The following ZMIZ1 variants were observed in gnomAD, a reference collection of about 807,000 sequenced individuals.
The protein encoded by ZMIZ1 is zinc finger MIZ-type containing 1.
A neutral mutation model predicts 113.9 loss-of-function variants in ZMIZ1; 17 were observed. The observed-to-expected ratio is 0.15, with a 90% CI of 0.10 to 0.22. The LOEUF (loss-of-function observed/expected upper bound fraction) is 0.22, where lower values mean the gene tolerates loss of function less well. Ranked by LOEUF, ZMIZ1 falls within the 10% of genes least tolerant of loss-of-function variation. The probability of loss-of-function intolerance (pLI) is 1.00; values close to 1 mark genes in which losing one functional copy is unlikely to be tolerated. For missense variants in ZMIZ1, 1,059 were observed against 1,477.8 expected, an observed-to-expected ratio of 0.72 and a Z score of 4.65; for synonymous variants, 607 against 603.1, an observed-to-expected ratio of 1.01 and a Z score of -0.09.
At chr10:79,096,388 T>C (rs1011653927) in intron 1 of ZMIZ1, among the ~76,000 whole-genome samples, 2 of 152,100 alleles carry the variant, frequency 1.3e-5, no homozygotes, top group Non-Finnish European at 2.9e-5. Context: ...GGTGGGCACC[T>C]GTGGTCCCAG....
At chr10:79,253,193 A>G (rs1215051936) in intron 7 of ZMIZ1, among the ~76,000 whole-genome samples, 5 of 152,196 alleles carry the variant, frequency 3.3e-5, no homozygotes, top group Non-Finnish European at 7.3e-5. Flanking sequence ...AACATTTGCA[A>G]ATGTTGCCTG....
chr10:79,193,853 T>C (rs576981899), intron 4 of ZMIZ1, among the ~76,000 whole-genome samples: 25 of 152,252 alleles, frequency 1.6e-4, no homozygotes, highest in African/African-American at 4.8e-4. Context: ...CAGCCCCACG[T>C]TGGGGACAAG....
At chr10:79,109,654 T>C (rs1470080196) in intron 1 of ZMIZ1, among the ~76,000 whole-genome samples, 8 of 152,196 alleles carry the variant, frequency 5.3e-5, no homozygotes, top group Non-Finnish European at 8.8e-5. Flanking sequence ...CCATATTCTG[T>C]GCCAGACCTT....
At chr10:79,189,814 C>T (rs1265978959) in intron 4 of ZMIZ1, among the ~76,000 whole-genome samples, 2 of 152,210 alleles carry the variant, frequency 1.3e-5, no homozygotes, top group East Asian at 1.9e-4. Flanking sequence ...AGCCAGGAAG[C>T]GTGTTTTCGG....
chr10:79,194,731 G>A (rs1847760636), intron 4 of ZMIZ1, among the ~76,000 whole-genome samples: 1 of 152,206 alleles, frequency 6.6e-6, no homozygotes, highest in African/African-American at 2.4e-5. Context: ...AGGGCATGAG[G>A]CAGGTGTTCC....
chr10:79,159,626 C>T (rs1417778313), intron 3 of ZMIZ1, among the ~76,000 whole-genome samples: 1 of 152,196 alleles, frequency 6.6e-6, no homozygotes, highest in Non-Finnish European at 1.5e-5. Context: ...TGTCAGTGTC[C>T]ACCTCACAGC....
At chr10:79,152,330 C>G (rs1845745215) in intron 3 of ZMIZ1, among the ~76,000 whole-genome samples, 1 of 152,142 alleles carries the variant, frequency 6.6e-6, no homozygotes, top group Non-Finnish European at 1.5e-5. Flanking sequence ...AAAACCCTGT[C>G]TCTACAAAAA....
chr10:79,153,119 G>A (rs989258625), intron 3 of ZMIZ1, among the ~76,000 whole-genome samples: 4 of 152,138 alleles, frequency 2.6e-5, no homozygotes, highest in African/African-American at 9.6e-5. Context: ...AGAAGAAGGG[G>A]CATCCTAGGA....
At chr10:79,114,371 GGAT>G (rs1233341241) in intron 1 of ZMIZ1, among the ~76,000 whole-genome samples, 1 of 152,222 alleles carries the variant, frequency 6.6e-6, no homozygotes, top group Non-Finnish European at 1.5e-5. Context: ...TGTGCTCTGA[GGAT>G]GGAGGTTGAG....
intron 1 of ZMIZ1, among the ~76,000 whole-genome samples, chr10:79,082,765 C>G (rs1842697629): frequency 6.6e-6 from 1 of 152,222 alleles, no homozygotes; most frequent in Non-Finnish European, 1.5e-5. Context: ...TCCCTCAGGG[C>G]TCCTCTAGAC....
intron 1 of ZMIZ1, among the ~76,000 whole-genome samples, chr10:79,110,618 C>G (rs1843703766): frequency 6.6e-6 from 1 of 152,244 alleles, no homozygotes; most frequent in African/African-American, 2.4e-5. Flanking sequence ...GCTGTGCCCT[C>G]TGCAGCCACC....
chr10:79,176,609 C>T (rs181475495), intron 4 of ZMIZ1, among the ~76,000 whole-genome samples: 5 of 150,402 alleles, frequency 3.3e-5, no homozygotes, highest in South Asian at 2.1e-4. Context: ...CTCAGTTTAC[C>T]GAGAATTTCC....
chr10:79,278,589 TC>T (rs1852460129), intron 8 of ZMIZ1, among the ~76,000 whole-genome samples: 1 of 151,414 alleles, frequency 6.6e-6, no homozygotes, highest in South Asian at 2.1e-4. Context: ...CCTGCCGCCC[TC>T]CGCAGTGTTT....
chr10:79,175,924 T>A (rs1200399500), intron 4 of ZMIZ1, among the ~76,000 whole-genome samples: 2 of 152,018 alleles, frequency 1.3e-5, no homozygotes, highest in Non-Finnish European at 2.9e-5. Context: ...AGGAATGTCC[T>A]GGATGGGAAA....
intron 1 of ZMIZ1, among the ~76,000 whole-genome samples, chr10:79,076,194 G>C (rs979591110): frequency 2.0e-5 from 3 of 152,198 alleles, no homozygotes; most frequent in African/African-American, 7.2e-5. Flanking sequence ...TCCAAGGTCA[G>C]CAGCGAATGG....
chr10:79,306,181 C>G lies in ZMIZ1; in HGVS notation c.2505C>G (p.Asp835Glu). The G allele has an allele frequency of 6.2e-7, 1 of 1,614,144 alleles. No individual in the cohort carries two copies. Among genetic ancestry groups the G allele is most frequent in the African/African-American group, 1.3e-5 (1 of 75,066 alleles). ...VPIKSDLHIK[D>E]DPDGIPSKRF... is the part of the protein sequence containing the mutation. ...TCAAGTCGGACTTACACATCAAGGA[C>G]GACCCTGATGGCATCCCCTCCAAGC... The change falls in exon 22 of 25, where the codon GAC (aspartate) becomes GAG (glutamate). Residue 835 changes from aspartate to glutamate, a missense_variant. Asp to Glu is a conservative substitution (Grantham distance 45, BLOSUM62 2). This residue lies in a region of ZMIZ1 where 217 missense variants were observed against 426.9 expected (regional missense o/e 0.51). Coordinates refer to ENST00000334512, the MANE Select transcript of ZMIZ1 (RefSeq NM_020338.4).
At chr10:79,297,760 C>T (rs1486287746) in intron 14 of ZMIZ1, 70 bp downstream of exon 14, 15 of 1,376,040 alleles carry the variant, frequency 1.1e-5, no homozygotes, top group Non-Finnish European at 1.1e-5. Flanking sequence ...CTCACTGTTC[C>T]TGCTCCAGCC....
chr10:79,311,239 T>C, intron 24 of ZMIZ1, 55 bp downstream of exon 24: 1 of 1,282,882 alleles, frequency 7.8e-7, no homozygotes, highest in Non-Finnish European at 1.0e-6. Context: ...CGCCGGGACC[T>C]GCCCGAGAGA....
chr10:79,307,161 G>T (rs1020343483), intron 22 of ZMIZ1, among the ~76,000 whole-genome samples: 1 of 151,984 alleles, frequency 6.6e-6, no homozygotes, highest in African/African-American at 2.4e-5. Context: ...CGCCCCCTTT[G>T]TCCCACTCTG....
Sources: gnomAD v4.1 joint callset for allele counts (sites outside exome capture counted in the v4.1 genomes callset) on GRCh38, gnomAD v4.1.1 for gene constraint, gnomAD v4.1.1 regional missense constraint, MANE v1.5 for transcripts, NCBI Gene and HGNC (gene_info 2026-07-23, HGNC 2026-07-21) for gene names.